LRFN5: variants seen among roughly 807,000 people sequenced by gnomAD.
LRFN5 encodes the protein leucine rich repeat and fibronectin type III domain containing 5, also known as leucine-rich repeat and fibronectin type-III domain-containing protein 5.
Under a neutral mutation model 45.6 loss-of-function variants are expected in LRFN5, and 24 were observed. The observed-to-expected ratio is 0.53, with a 90% CI of 0.38 to 0.74. The LOEUF is 0.74. Among genes scored for constraint, LRFN5 ranks in the 30% least tolerant of loss-of-function variants. LRFN5 has a pLI of 0.00. For synonymous variants in LRFN5, 340 were observed against 313.8 expected, an observed-to-expected ratio of 1.08 and a Z score of -0.88; for missense variants, 776 against 861.5, an observed-to-expected ratio of 0.90 and a Z score of 1.24.
At chr14:41,640,123 C>A (rs1879506627) in intron 1 of LRFN5, among the ~76,000 whole-genome samples, 1 of 151,608 alleles carries the variant, frequency 6.6e-6, no homozygotes, top group South Asian at 2.1e-4. Flanking sequence ...CGGGCCATAC[C>A]CCTGGGATCC....
chr14:41,704,440 C>G (rs75149739), intron 1 of LRFN5, among the ~76,000 whole-genome samples: 67,442 of 124,860 alleles, frequency 0.54, 18,772 homozygotes, highest in East Asian at 0.93. Context: ...CTCTCTCTCT[C>G]TCTCTCTCTG....
chr14:41,766,761 A>G (rs1885897313), intron 1 of LRFN5, 93 bp from the exon 2 acceptor site: 1 of 152,346 alleles, frequency 6.6e-6, no homozygotes, highest in African/African-American at 2.4e-5. Flanking sequence ...GTAGTTTGAG[A>G]TTGATCACCC....
At chr14:41,626,309 T>C (rs1050096417) in intron 1 of LRFN5, among the ~76,000 whole-genome samples, 4 of 152,222 alleles carry the variant, frequency 2.6e-5, no homozygotes, top group Admixed American at 6.6e-5. Context: ...AAGATGTCAG[T>C]GATATTTGCA....
chr14:41,879,407 G>A (rs1386165565), intron 2 of LRFN5, among the ~76,000 whole-genome samples: 1 of 151,736 alleles, frequency 6.6e-6, no homozygotes, highest in Non-Finnish European at 1.5e-5. Flanking sequence ...GGCAAGAATA[G>A]CATGAAGAAT....
intron 2 of LRFN5, among the ~76,000 whole-genome samples, chr14:41,829,550 T>G (rs1410241638): frequency 6.6e-6 from 1 of 151,964 alleles, no homozygotes; most frequent in Non-Finnish European, 1.5e-5. Flanking sequence ...CCAGGTCTAT[T>G]AATGGTTGTG....
At chr14:41,714,482 A>T (rs1004547673) in intron 1 of LRFN5, among the ~76,000 whole-genome samples, 1 of 152,188 alleles carries the variant, frequency 6.6e-6, no homozygotes, top group African/African-American at 2.4e-5. Context: ...AATTGGATTA[A>T]TTTTTTCCCT....
intron 5 of LRFN5, among the ~76,000 whole-genome samples, chr14:41,899,490 A>C (rs192647318): frequency 6.6e-6 from 1 of 152,116 alleles, no homozygotes; most frequent in African/African-American, 2.4e-5. Flanking sequence ...TCAGCAACCA[A>C]TTATTCTTCT....
chr14:41,610,100 T>C (rs1887683810), intron 1 of LRFN5: 2 of 152,574 alleles, frequency 1.3e-5, no homozygotes, highest in African/African-American at 4.8e-5. Flanking sequence ...TGACACTTTC[T>C]CCGGGCAGGG....
At chr14:41,758,362 A>G (rs565136701) in intron 1 of LRFN5, among the ~76,000 whole-genome samples, 5 of 152,228 alleles carry the variant, frequency 3.3e-5, no homozygotes, top group Non-Finnish European at 7.3e-5. Flanking sequence ...AGAGACAATT[A>G]ATCCCTTATG....
intron 2 of LRFN5, among the ~76,000 whole-genome samples, chr14:41,865,121 A>C (rs1294146233): frequency 6.6e-6 from 1 of 152,112 alleles, no homozygotes. Context: ...AAAGCTGTGC[A>C]ATCTAGTGTT....
chr14:41,731,599 A>G (rs1483734604), intron 1 of LRFN5, among the ~76,000 whole-genome samples: 1 of 152,106 alleles, frequency 6.6e-6, no homozygotes, highest in Non-Finnish European at 1.5e-5. Context: ...CATTCTTGCT[A>G]CTTCCACCAT....
chr14:41,744,381 T>A (rs1864085684), intron 1 of LRFN5, among the ~76,000 whole-genome samples: 1 of 151,162 alleles, frequency 6.6e-6, no homozygotes, highest in Admixed American at 6.6e-5. Flanking sequence ...AATAAATAAA[T>A]AGGAAGAGAG....
intron 1 of LRFN5, among the ~76,000 whole-genome samples, chr14:41,634,959 A>G (rs903033387): frequency 3.9e-5 from 6 of 152,132 alleles, no homozygotes; most frequent in African/African-American, 1.4e-4. Context: ...AAACATAATT[A>G]CATTTAAACA....
intron 2 of LRFN5, among the ~76,000 whole-genome samples, chr14:41,856,231 G>A (rs947982244): frequency 6.6e-6 from 1 of 152,136 alleles, no homozygotes; most frequent in African/African-American, 2.4e-5. Context: ...AGTAAACAAA[G>A]GGAATCATCT....
intron 5 of LRFN5, among the ~76,000 whole-genome samples, chr14:41,901,282 A>G (rs1244418828): frequency 6.6e-6 from 1 of 152,098 alleles, no homozygotes; most frequent in Admixed American, 6.6e-5. Context: ...CAAGATTTTT[A>G]TCTTTACAAG....
At chr14:41,776,480 GAC>G (rs1442642213) in intron 2 of LRFN5, among the ~76,000 whole-genome samples, 3 of 152,030 alleles carry the variant, frequency 2.0e-5, no homozygotes. Context: ...TTAATATAAT[GAC>G]ACAGTTATCA....
intron 2 of LRFN5, among the ~76,000 whole-genome samples, chr14:41,801,267 T>C (rs1887321112): frequency 1.3e-5 from 2 of 152,134 alleles, no homozygotes; most frequent in Non-Finnish European, 2.9e-5. Flanking sequence ...AAAACTGTTA[T>C]GAGGATTAAG....
At chr14:41,626,668 A>G (rs2138570369) in intron 1 of LRFN5, among the ~76,000 whole-genome samples, 2 of 152,214 alleles carry the variant, frequency 1.3e-5, no homozygotes, top group South Asian at 2.1e-4. Flanking sequence ...TGGCCCTGGC[A>G]CAATGTTCAC....
rs1890787483 is a variant in LRFN5 at position 41,891,678 on chromosome 14, C to T, written c.1814C>T (p.Ala605Val). 1 of 1,614,182 alleles carries T rather than the reference C, an allele frequency of 6.2e-7. No homozygotes were observed. The change falls in exon 4 of 6, where the codon GCT becomes GTT. Residue 605 changes from alanine (A) to valine (V), a missense_variant. This residue lies in a region of LRFN5 where 465 missense variants were observed against 456.4 expected (regional missense o/e 1.02). Coordinates refer to ENST00000298119, the MANE Select transcript of LRFN5 (RefSeq NM_152447.5). ...GAAGAGAATGCCCAGTGTTGTAAAGCTACCAGTGACAATGTGATTCAATCT... is the reference window on the plus strand; with the variant it reads ...GAAGAGAATGCCCAGTGTTGTAAAGTTACCAGTGACAATGTGATTCAATCT... ...GHEENAQCCK[A>V]TSDNVIQSSE...
Sources: gnomAD v4.1 joint callset for allele counts (sites outside exome capture counted in the v4.1 genomes callset) on GRCh38, gnomAD v4.1.1 for gene constraint, gnomAD v4.1.1 regional missense constraint, MANE v1.5 for transcripts, NCBI Gene and HGNC (gene_info 2026-07-23, HGNC 2026-07-21) for gene names.